PRKG1: variants seen among roughly 807,000 people sequenced by gnomAD.
PRKG1 encodes protein kinase cGMP-dependent 1.
In PRKG1, 35 loss-of-function variants were observed where a neutral mutation model predicts 88.1. The observed-to-expected ratio is 0.40, with a 90% CI of 0.30 to 0.53. The LOEUF is 0.53. PRKG1 is among the 20% of genes least tolerant of loss of function. The probability of loss-of-function intolerance (pLI) is 0.59; values close to 1 mark genes in which losing one functional copy is unlikely to be tolerated. For missense variants in PRKG1, 540 were observed against 839.8 expected, an observed-to-expected ratio of 0.64 and a Z score of 4.41; for synonymous variants, 303 against 292.5, an observed-to-expected ratio of 1.04 and a Z score of -0.37.
chr10:51,074,570 C>T lies in PRKG1; in HGVS notation c.-21C>T. 4 of 1,593,728 alleles carry T rather than the reference C, an allele frequency of 2.5e-6. No homozygotes were observed. Among genetic ancestry groups the T allele is most frequent in the East Asian group, 2.3e-5 (1 of 44,302 alleles). ...GACGCGGAGCAGCGGCAGGAAGGAG[C>T]CCCCGGCAGCCCGGAGGAGCATGGG... On this transcript the variant is annotated 5_prime_UTR_variant, in exon 1 of 18. Coordinates refer to ENST00000373980, the MANE Select transcript of PRKG1 (RefSeq NM_006258.4).
intron 2 of PRKG1, among the ~76,000 whole-genome samples, chr10:51,282,887 T>C (rs1360169466): frequency 1.3e-5 from 2 of 152,142 alleles, no homozygotes; most frequent in African/African-American, 4.8e-5. Flanking sequence ...GGGGGGTACA[T>C]GTGCAGGTTT....
chr10:51,187,047 G>A (rs892792354), intron 2 of PRKG1, among the ~76,000 whole-genome samples: 1 of 148,852 alleles, frequency 6.7e-6, no homozygotes, highest in Non-Finnish European at 1.5e-5. Flanking sequence ...AGAGGAAGTG[G>A]AAATTTTAAT....
intron 2 of PRKG1, among the ~76,000 whole-genome samples, chr10:51,440,095 G>T (rs996006066): frequency 2.6e-5 from 4 of 151,920 alleles, no homozygotes; most frequent in African/African-American, 9.7e-5. Flanking sequence ...TGTACAGTCA[G>T]CTTCTTAGTT....
chr10:51,587,653 A>G (rs568391375), intron 3 of PRKG1, among the ~76,000 whole-genome samples: 16 of 152,304 alleles, frequency 1.1e-4, no homozygotes, highest in Middle Eastern at 3.4e-3. Flanking sequence ...ATGTACACAT[A>G]TATAGCTTGC....
intron 10 of PRKG1, among the ~76,000 whole-genome samples, chr10:52,264,651 A>C (rs1304211799): frequency 1.3e-5 from 2 of 152,132 alleles, no homozygotes; most frequent in African/African-American, 4.8e-5. Context: ...TATTTTATTT[A>C]GAGAAAATAT....
chr10:51,574,035 CA>C (rs1837823174), intron 3 of PRKG1, among the ~76,000 whole-genome samples: 1 of 151,902 alleles, frequency 6.6e-6, no homozygotes, highest in South Asian at 2.1e-4. Flanking sequence ...TAAATGCTTT[CA>C]AAAGGAGGGC....
chr10:51,160,910 A>G (rs74131781), intron 2 of PRKG1, among the ~76,000 whole-genome samples: 1 of 116,712 alleles, frequency 8.6e-6, no homozygotes, highest in Admixed American at 8.1e-5. Context: ...GTGTGTGTGC[A>G]TGTGTGTGTC....
At position 51,337,914 on chromosome 10, in the gene PRKG1, A is replaced by T. The variant is rs1026133199; in HGVS notation, c.479-129809A>T. ...CCATTGCTGGATATAAGCCCAAAGG[A>T]ATATAAATCATTCTATTACAAAGCT... is the stretch of plus-strand genomic sequence containing the variant. On this transcript the variant is annotated intron_variant, in intron 2 of 17. Coordinates refer to ENST00000373980, the MANE Select transcript of PRKG1 (RefSeq NM_006258.4). 7.2e-5 allele frequency among the ~76,000 whole-genome samples: 11 copies of T among 152,314 alleles called. No homozygotes were observed. In the East Asian group the frequency reaches 1.7e-3, roughly 24 times the overall value.
chr10:51,030,529 G>A (rs1250955284), intron 1 of PRKG1, among the ~76,000 whole-genome samples: 1 of 152,074 alleles, frequency 6.6e-6, no homozygotes, highest in Non-Finnish European at 1.5e-5. Flanking sequence ...AAACATATTT[G>A]CAAAATTTTC....
intron 4 of PRKG1, among the ~76,000 whole-genome samples, chr10:51,828,933 G>A (rs1839940489): frequency 6.6e-6 from 1 of 152,172 alleles, no homozygotes; most frequent in African/African-American, 2.4e-5. Context: ...AAACGTACTG[G>A]TTTAAAACAA....
intron 2 of PRKG1, among the ~76,000 whole-genome samples, chr10:51,428,584 C>T (rs1036495126): frequency 6.6e-5 from 10 of 152,130 alleles, no homozygotes; most frequent in Admixed American, 2.0e-4. Flanking sequence ...TTAAGAAAAA[C>T]GGCTGAACCC....
At chr10:51,382,413 G>GGGCT (rs1837131615) in intron 2 of PRKG1, among the ~76,000 whole-genome samples, 1 of 152,174 alleles carries the variant, frequency 6.6e-6, no homozygotes, top group Non-Finnish European at 1.5e-5. Flanking sequence ...GAATTTCTAA[G>GGGCT]GGCTGTCTTT....
At chr10:51,861,282 T>C (rs1295115104) in intron 4 of PRKG1, among the ~76,000 whole-genome samples, 1 of 152,196 alleles carries the variant, frequency 6.6e-6, no homozygotes, top group Non-Finnish European at 1.5e-5. Context: ...ATTTATGTAA[T>C]AACAACATTT....
intron 3 of PRKG1, among the ~76,000 whole-genome samples, chr10:51,482,674 C>G (rs1192956143): frequency 1.3e-5 from 2 of 152,130 alleles, no homozygotes; most frequent in African/African-American, 4.8e-5. Context: ...GGTTTTAACC[C>G]CCATGGTTCT....
chr10:51,992,459 A>G (rs1844337439), intron 5 of PRKG1, among the ~76,000 whole-genome samples: 1 of 152,160 alleles, frequency 6.6e-6, no homozygotes, highest in Admixed American at 6.6e-5. Flanking sequence ...TGCTTTAGAA[A>G]GGCACCGGTA....
At chr10:52,117,948 T>G (rs112271191) in intron 7 of PRKG1, among the ~76,000 whole-genome samples, 2 of 152,038 alleles carry the variant, frequency 1.3e-5, no homozygotes, top group African/African-American at 4.8e-5. Context: ...CTTTTATTAT[T>G]GTACAAAAAA....
Position 51,467,637 on chromosome 10 carries a change from C to T in PRKG1, c.479-86C>T, listed in dbSNP as rs377654240. On this transcript the variant is annotated intron_variant, in intron 2 of 17. Coordinates refer to ENST00000373980, the MANE Select transcript of PRKG1 (RefSeq NM_006258.4). ...TGGTAACTGCATTTTTACAAATGAG[C>T]CTAACACTCCTCTTCACATTAAAAA... The T allele has an allele frequency of 2.3e-4, 247 of 1,053,404 alleles. 1 individual carries two copies. The South Asian group carries it at 3.4e-3, about 15-fold the overall frequency. 65.3% of individuals were successfully genotyped at this position (1,053,404 alleles called of 1,614,324 possible).
intron 9 of PRKG1, chr10:52,231,240 A>C (rs1840513476): frequency 6.6e-6 from 1 of 152,134 alleles, no homozygotes; most frequent in African/African-American, 2.4e-5. Flanking sequence ...TCTACAAAAA[A>C]TTCAAAAAAT....
chr10:51,874,015 A>G (rs1318498617), intron 4 of PRKG1, among the ~76,000 whole-genome samples: 7 of 152,198 alleles, frequency 4.6e-5, no homozygotes, highest in Non-Finnish European at 7.4e-5. Context: ...ACCTTAATTT[A>G]TCTGTTTTAG....
Sources: gnomAD v4.1 joint callset for allele counts (sites outside exome capture counted in the v4.1 genomes callset) on GRCh38, gnomAD v4.1.1 for gene constraint, MANE v1.5 for transcripts, NCBI Gene and HGNC (gene_info 2026-07-23, HGNC 2026-07-21) for gene names.